The following PPM1D variants were observed in gnomAD, a reference collection of about 807,000 sequenced individuals.
The protein encoded by PPM1D is protein phosphatase 1D.
PPM1D carries 52 observed loss-of-function variants against 58.3 expected under a neutral mutation model. The ratio of observed to expected loss-of-function variants is 0.89; its 90% CI spans 0.71 to 1.12. The LOEUF (loss-of-function observed/expected upper bound fraction) is 1.12, where lower values mean the gene tolerates loss of function less well. PPM1D is among the 50% of genes most tolerant of loss of function. The pLI is 0.00. For synonymous variants in PPM1D, 278 were observed against 285.1 expected (o/e 0.98, Z 0.25); for missense variants, 564 against 777.2 (o/e 0.73, Z 3.26).
intron 5 of PPM1D, 129 bp downstream of exon 5, chr17:60,656,970 CTTA>C: frequency 4.4e-6 from 7 of 1,579,512 alleles, no homozygotes; most frequent in Non-Finnish European, 6.0e-6. Context: ...AGTGATGTAA[CTTA>C]TTATCAGAGA....
chr17:60,648,386 GTTT>G (rs201335786), intron 4 of PPM1D, among the ~76,000 whole-genome samples: 7 of 135,760 alleles, frequency 5.2e-5, no homozygotes, highest in African/African-American at 1.1e-4. Flanking sequence ...AAAATTTATC[GTTT>G]TTTTTTTTTT....
chr17:60,653,340 G>T (rs890028241), intron 4 of PPM1D, among the ~76,000 whole-genome samples: 18 of 152,090 alleles, frequency 1.2e-4, no homozygotes, highest in Non-Finnish European at 2.2e-4. Flanking sequence ...AGATGAGCTG[G>T]CTGCAAATTG....
intron 3 of PPM1D, among the ~76,000 whole-genome samples, chr17:60,640,819 GGAAATTTCTTTTATTTAGAAATTTA>G (rs1404141947): frequency 2.5e-4 from 38 of 151,538 alleles, no homozygotes; most frequent in African/African-American, 5.6e-4. Flanking sequence ...AAAAGAAATT[GGAAATTTCTTTTATTTAGAAATTTA>G]GAAATTTCTT....
chr17:60,601,016 G>A (rs924201454), intron 1 of PPM1D, 130 bp downstream of exon 1: 1 of 1,341,236 alleles, frequency 7.5e-7, no homozygotes, highest in Non-Finnish European at 1.0e-6. Flanking sequence ...GTGACTAAAA[G>A]CTGTAATAGC....
chr17:60,640,505 C>G (rs1369908149), intron 3 of PPM1D, among the ~76,000 whole-genome samples: 1 of 152,162 alleles, frequency 6.6e-6, no homozygotes, highest in Non-Finnish European at 1.5e-5. Flanking sequence ...ATCCACCATT[C>G]ATCCTAGATT....
intron 1 of PPM1D, among the ~76,000 whole-genome samples, chr17:60,622,821 G>C (rs533099336): frequency 1.3e-5 from 2 of 152,334 alleles, no homozygotes; most frequent in South Asian, 4.1e-4. Flanking sequence ...ATCAAGCCGA[G>C]TGCGGTGGCT....
In PPM1D at chr17:60,663,348, A is replaced by G. The variant is rs768449890; in HGVS notation, c.1614A>G (p.Leu538=). 2.8e-5 allele frequency: 46 copies of G among 1,614,110 alleles called. No homozygotes were observed. The highest frequency in any genetic ancestry group is 3.6e-5 in the Non-Finnish European group (43 of 1,180,040). ...RTPPTNFKRT[L]EESNSGPLMK... ...CTCCAACAAACTTTAAAAGGACATTAGAAGAGTCCAATTCTGGCCCCCTGA... is the reference window on the plus strand; with the variant it reads ...CTCCAACAAACTTTAAAAGGACATTGGAAGAGTCCAATTCTGGCCCCCTGA... Residue 538 remains leucine, a synonymous_variant, in exon 6 of 6, where the codon TTA becomes TTG. Transcript: ENST00000305921.
At chr17:60,622,402 G>A (rs2030725589) in intron 1 of PPM1D, among the ~76,000 whole-genome samples, 1 of 152,110 alleles carries the variant, frequency 6.6e-6, no homozygotes, top group Non-Finnish European at 1.5e-5. Flanking sequence ...TCCTTTCAGT[G>A]GGATTTTGGT....
At chr17:60,631,875 C>T (rs1390428727) in intron 2 of PPM1D, among the ~76,000 whole-genome samples, 1 of 151,972 alleles carries the variant, frequency 6.6e-6, no homozygotes. Context: ...GTGTTTTTTC[C>T]TAAAGAACTA....
At chr17:60,600,924 C>T (rs2030195490) in intron 1 of PPM1D, 38 bp downstream of exon 1, 1 of 1,611,760 alleles carries the variant, frequency 6.2e-7, no homozygotes, top group Non-Finnish European at 8.5e-7. Context: ...GCCCCTTTTT[C>T]AGGCAGTTCA....
intron 4 of PPM1D, among the ~76,000 whole-genome samples, chr17:60,652,573 T>TTTG (rs2031366331): frequency 6.8e-6 from 1 of 146,816 alleles, no homozygotes; most frequent in South Asian, 2.1e-4. Context: ...TTTTTTTTTT[T>TTTG]TTGAGGAACC....
intron 1 of PPM1D, among the ~76,000 whole-genome samples, chr17:60,608,119 T>G (rs1270044891): frequency 6.6e-6 from 1 of 152,220 alleles, no homozygotes; most frequent in Non-Finnish European, 1.5e-5. Context: ...CTGAAAGAGT[T>G]GTGTGCCATA....
intron 4 of PPM1D, among the ~76,000 whole-genome samples, chr17:60,655,854 G>A (rs560843196): frequency 9.8e-4 from 148 of 151,276 alleles, no homozygotes; most frequent in African/African-American, 3.5e-3. Context: ...GGCATGTGCC[G>A]TCGCGCCCGG....
Position 60,638,440 on chromosome 17 carries a change from C to T in PPM1D, c.826+4463C>T, listed in dbSNP as rs551936913. Among the ~76,000 whole-genome samples the T allele has an allele frequency of 5.3e-5, 8 of 152,120 alleles. No individual in the cohort carries two copies. In the South Asian group the frequency reaches 1.5e-3, roughly 28 times the overall value. Reference sequence around the variant, plus strand: ...CTGGAATGCAGTGGCACGATCTCAGCTCACTGCAACTTCCGCCTCCCCGGC... The same window carrying T: ...CTGGAATGCAGTGGCACGATCTCAGTTCACTGCAACTTCCGCCTCCCCGGC... On this transcript the variant is annotated intron_variant, in intron 3 of 5. Coordinates refer to ENST00000305921, the MANE Select transcript of PPM1D (RefSeq NM_003620.4).
intron 3 of PPM1D, among the ~76,000 whole-genome samples, chr17:60,643,104 C>G (rs2031169443): frequency 6.7e-6 from 1 of 148,500 alleles, no homozygotes; most frequent in African/African-American, 2.5e-5. Context: ...TGACTTATGT[C>G]TCTAATCCCA....
intron 1 of PPM1D, among the ~76,000 whole-genome samples, chr17:60,611,244 C>A (rs2030447419): frequency 6.6e-6 from 1 of 152,136 alleles, no homozygotes; most frequent in Admixed American, 6.5e-5. Flanking sequence ...TAGTCTTGAA[C>A]TCCTGACCTC....
chr17:60,618,210 G>A (rs2030624949), intron 1 of PPM1D, among the ~76,000 whole-genome samples: 1 of 152,192 alleles, frequency 6.6e-6, no homozygotes, highest in African/African-American at 2.4e-5. Context: ...CTGGGCTCAA[G>A]CGATCCCCCT....
At chr17:60,632,187 C>G (rs1448200577) in intron 2 of PPM1D, among the ~76,000 whole-genome samples, 1 of 150,458 alleles carries the variant, frequency 6.6e-6, no homozygotes. Context: ...GAGCCAGACT[C>G]TGTCTCAAAA....
chr17:60,603,959 G>C (rs964487472), intron 1 of PPM1D, among the ~76,000 whole-genome samples: 1 of 152,194 alleles, frequency 6.6e-6, no homozygotes, highest in African/African-American at 2.4e-5. Flanking sequence ...CCCAGAGAAA[G>C]GTGGAAGAAA....
Sources: allele counts gnomAD v4.1 joint callset (sites outside exome capture counted in the v4.1 genomes callset), GRCh38; gene constraint gnomAD v4.1.1; transcripts MANE v1.5; gene names NCBI Gene and HGNC (gene_info 2026-07-23, HGNC 2026-07-21).